Variants in PRMT7 observed in about 807,000 individuals in gnomAD.
The protein encoded by PRMT7 is protein arginine N-methyltransferase 7.
A neutral mutation model predicts 85.4 loss-of-function variants in PRMT7; 75 were observed. The observed-to-expected ratio is 0.88, with a 90% CI of 0.73 to 1.06. The LOEUF is 1.06. PRMT7 is among the 50% of genes least tolerant of loss of function. PRMT7 has a pLI of 0.00. For missense variants in PRMT7, 868 were observed against 915.2 expected (o/e 0.95, Z 0.67); for synonymous variants, 397 against 359.5 (o/e 1.10, Z -1.18).
chr16:68,335,891 C>T (rs1046435918), intron 6 of PRMT7, among the ~76,000 whole-genome samples: 1 of 151,986 alleles, frequency 6.6e-6, no homozygotes, highest in Admixed American at 6.5e-5. Context: ...ATTCTCCTGC[C>T]TCAGCCTCTC....
rs2086547229 is a variant in PRMT7 at position 68,347,204 on chromosome 16, C to T, written c.1192-7C>T. On this transcript the variant is annotated splice_polypyrimidine_tract_variant and splice_region_variant and intron_variant, in intron 11 of 18. Transcript: ENST00000441236. ...AGCCCTGTGCTGAGCTTGCCTGTTC[C>T]CCGCAGGTGCTGAAGCCAGACAGCG... 1.3e-6 allele frequency: 2 copies of T among 1,551,280 alleles called. No individual in the cohort carries two copies. The highest frequency in any genetic ancestry group is 1.4e-5 in the African/African-American group (1 of 73,074).
intron 4 of PRMT7, among the ~76,000 whole-genome samples, chr16:68,323,402 T>G (rs1056982946): frequency 7.9e-5 from 12 of 152,018 alleles, no homozygotes; most frequent in African/African-American, 2.2e-4. Context: ...GTATCTTTAG[T>G]AGAGATGGGG....
chr16:68,317,599 G>A (rs1218402006), intron 3 of PRMT7, among the ~76,000 whole-genome samples: 1 of 152,104 alleles, frequency 6.6e-6, no homozygotes, highest in Non-Finnish European at 1.5e-5. Flanking sequence ...AGACCAAGGC[G>A]GGCGGATCAC....
At chr16:68,319,967 C>T (rs1304332458) in intron 3 of PRMT7, among the ~76,000 whole-genome samples, 3 of 152,084 alleles carry the variant, frequency 2.0e-5, no homozygotes, top group South Asian at 2.1e-4. Context: ...CCCTTTACTA[C>T]GGTATTGGTG....
chr16:68,323,634 A>G (rs1257377376), intron 4 of PRMT7: 1 of 151,954 alleles, frequency 6.6e-6, no homozygotes, highest in South Asian at 2.1e-4. Flanking sequence ...TTTTTTCTTC[A>G]GTTGTGTTTC....
At position 68,339,331 on chromosome 16, in the gene PRMT7, G is replaced by A; in HGVS notation, c.514G>A (p.Glu172Lys). The change falls in exon 8 of 19, where the codon GAG becomes AAG. Residue 172 changes from glutamate (E) to lysine (K), a missense_variant. By Grantham distance (56) the Glu-to-Lys change is moderately conservative. Transcript: ENST00000441236. ...AHRHLVEENC[E>K]AVPHRATVYA... ...TTTAATATAAACTTAGGAAAATTGT[G>A]AGGCCGTGCCCCACAGAGCCACCGT... The A allele has an allele frequency of 6.2e-7, 1 of 1,613,808 alleles. No homozygotes were observed. The highest frequency in any genetic ancestry group is 8.5e-7 in the Non-Finnish European group (1 of 1,179,716).
At chr16:68,348,091 C>T (rs901868986) in intron 13 of PRMT7, among the ~76,000 whole-genome samples, 4 of 152,184 alleles carry the variant, frequency 2.6e-5, no homozygotes, top group East Asian at 3.8e-4. Flanking sequence ...ACTGCAGGCT[C>T]GCACTGAGTC....
intron 6 of PRMT7, among the ~76,000 whole-genome samples, chr16:68,331,810 T>A (rs2083950409): frequency 6.6e-6 from 1 of 152,242 alleles, no homozygotes. Context: ...CTCTGAAAGT[T>A]CCACTTGATT....
intron 6 of PRMT7, among the ~76,000 whole-genome samples, chr16:68,336,872 C>A (rs768372936): frequency 6.6e-6 from 1 of 152,184 alleles, no homozygotes; most frequent in Non-Finnish European, 1.5e-5. Flanking sequence ...CATGCCTCAG[C>A]CTCCTGGGTA....
At chr16:68,341,243 G>C (rs1163807761) in intron 9 of PRMT7, among the ~76,000 whole-genome samples, 2 of 152,208 alleles carry the variant, frequency 1.3e-5, no homozygotes, top group Non-Finnish European at 2.9e-5. Context: ...GGAAAGGTGT[G>C]TCGGAATTGC....
In PRMT7 at chr16:68,346,271, T is replaced by C. The variant is rs766537913; in HGVS notation, c.1182T>C (p.Ala394=). Residue 394 remains alanine, a synonymous_variant, in exon 11 of 19, where the codon GCT becomes GCC. Transcript: ENST00000441236. ...ACAGAACTGATCGATACGTCCAGGC[T>C]CTGAGGACCGTAAGTGTCCAGCCCC... is the stretch of plus-strand genomic sequence containing the variant. ...DQDRTDRYVQ[A]LRTVLKPDSV... The C allele has an allele frequency of 1.2e-6, 2 of 1,614,212 alleles. No individual in the cohort carries two copies. The highest frequency in any genetic ancestry group is 1.7e-6 in the Non-Finnish European group (2 of 1,180,040).
Position 68,316,069 on chromosome 16 carries a change from T to C in PRMT7, c.90T>C (p.Ile30=). The C allele has an allele frequency of 2.5e-6, 4 of 1,613,286 alleles. No homozygotes were observed. The highest frequency in any genetic ancestry group is 1.7e-5 in the Admixed American group (1 of 59,994). Residue 30 remains isoleucine, a synonymous_variant, in exon 3 of 19, where the codon ATT becomes ATC. Transcript: ENST00000441236. The part of the protein sequence containing the change: ...EDEHYDYHQE[I]ARSSYADMLH... ...AACACTATGATTACCACCAGGAGAT[T>C]GCAAGGTACTGGGTTGGTTTACAGC...
chr16:68,318,102 C>T (rs924230425), intron 3 of PRMT7, among the ~76,000 whole-genome samples: 2 of 152,026 alleles, frequency 1.3e-5, no homozygotes, highest in Non-Finnish European at 1.5e-5. Context: ...TATAGTAATA[C>T]ATTATCTCAC....
intron 2 of PRMT7, 153 bp from the exon 3 acceptor site, chr16:68,315,744 A>C: frequency 1.9e-6 from 1 of 514,608 alleles, no homozygotes; most frequent in Non-Finnish European, 3.5e-6. Context: ...AACAAATACT[A>C]TCAGTGGCTT....
chr16:68,333,923 C>T (rs1230861758), intron 6 of PRMT7, among the ~76,000 whole-genome samples: 1 of 152,158 alleles, frequency 6.6e-6, no homozygotes, highest in East Asian at 1.9e-4. Flanking sequence ...CAGGCATGCA[C>T]CACCACCTGG....
chr16:68,311,411 T>A, intron 1 of PRMT7: 1 of 254,180 alleles, frequency 3.9e-6, no homozygotes. Context: ...ACGAGTTCTC[T>A]GATTGCCAGA....
intron 17 of PRMT7, among the ~76,000 whole-genome samples, 198 bp downstream of exon 17, chr16:68,356,081 G>A (rs779546988): frequency 6.6e-6 from 1 of 152,248 alleles, no homozygotes; most frequent in Non-Finnish European, 1.5e-5. Context: ...GCCACTGGTG[G>A]AGGAGCCAGG....
At chr16:68,356,469 C>T (rs574326121) in intron 17 of PRMT7, among the ~76,000 whole-genome samples, 1 of 152,372 alleles carries the variant, frequency 6.6e-6, no homozygotes, top group East Asian at 1.9e-4. Flanking sequence ...GGCCCTGCCC[C>T]ATGTGTGGCC....
At chr16:68,354,054 TGA>T in intron 16 of PRMT7, among the ~76,000 whole-genome samples, 1 of 152,248 alleles carries the variant, frequency 6.6e-6, no homozygotes, top group East Asian at 1.9e-4. Flanking sequence ...TCCATCCACA[TGA>T]GAGGGGCAGG....
Sources: gnomAD v4.1 joint callset for allele counts (sites outside exome capture counted in the v4.1 genomes callset) on GRCh38, gnomAD v4.1.1 for gene constraint, MANE v1.5 for transcripts, NCBI Gene and HGNC (gene_info 2026-07-23, HGNC 2026-07-21) for gene names.